SERPINC1: variants seen among roughly 807,000 people sequenced by gnomAD.
SERPINC1 encodes the protein antithrombin-III.
Under a neutral mutation model 43.4 loss-of-function variants are expected in SERPINC1, and 12 were observed. That is an observed-to-expected ratio of 0.28 (90% CI 0.18 to 0.45). SERPINC1 has a LOEUF of 0.45. Among genes scored for constraint, SERPINC1 ranks in the 20% least tolerant of loss-of-function variants. SERPINC1 has a pLI of 1.00. For synonymous variants in SERPINC1, 210 were observed against 218.9 expected, an observed-to-expected ratio of 0.96 and a Z score of 0.36; for missense variants, 423 against 578.8, an observed-to-expected ratio of 0.73 and a Z score of 2.76.
intron 1 of SERPINC1, among the ~76,000 whole-genome samples, chr1:173,916,208 G>T (rs1330728312): frequency 6.6e-6 from 1 of 152,216 alleles, no homozygotes; most frequent in African/African-American, 2.4e-5. Flanking sequence ...ATTTTTTGTA[G>T]ATAAGACAGG....
chr1:173,909,292 C>A (rs1657661576), intron 5 of SERPINC1, among the ~76,000 whole-genome samples: 1 of 152,206 alleles, frequency 6.6e-6, no homozygotes, highest in Admixed American at 6.5e-5. Context: ...CACCTGGTCC[C>A]ATCTCCTCTA....
intron 2 of SERPINC1, 26 bp from the exon 3 acceptor site, chr1:173,912,040 G>C (rs368106455): frequency 1.3e-6 from 2 of 1,544,214 alleles, no homozygotes; most frequent in Non-Finnish European, 1.8e-6. Context: ...AAAAATGGTG[G>C]TGGGTTTGGT....
chr1:173,914,233 G>A (rs1212291713), intron 2 of SERPINC1, among the ~76,000 whole-genome samples: 1 of 152,092 alleles, frequency 6.6e-6, no homozygotes, highest in Admixed American at 6.6e-5. Flanking sequence ...ATAAATAAAT[G>A]ATCAAATTAA....
intron 2 of SERPINC1, among the ~76,000 whole-genome samples, chr1:173,913,269 T>C (rs1657846794): frequency 1.3e-5 from 2 of 152,162 alleles, no homozygotes; most frequent in South Asian, 2.1e-4. Context: ...AGTGTTTCCA[T>C]CCATGACTTG....
In SERPINC1 at chr1:173,910,883, T is replaced by C. The variant is rs780062808; in HGVS notation, c.633A>G (p.Ala211=). The change falls in exon 4 of 7, where the codon GCA becomes GCG. Residue 211 remains alanine (A), a synonymous_variant. Transcript: ENST00000367698. ...KLQPLDFKEN[A]EQSRAAINKW... Reference sequence around the variant, plus strand: ...TGTTGATGGCCGCTCTGGATTGCTCTGCATTTTCCTGAGGAGAACAGAAAA... The same window carrying C: ...TGTTGATGGCCGCTCTGGATTGCTCCGCATTTTCCTGAGGAGAACAGAAAA... 8 of 1,614,196 alleles carry C rather than the reference T, an allele frequency of 5.0e-6. No homozygotes were observed. The East Asian group carries it at 1.6e-4, about 31-fold the overall frequency.
intron 6 of SERPINC1, 25 bp downstream of exon 6, chr1:173,907,425 A>G: frequency 6.4e-7 from 1 of 1,569,868 alleles, no homozygotes; most frequent in East Asian, 2.2e-5. Flanking sequence ...TCTGTACCCT[A>G]AGAGAGTGGG....
intron 2 of SERPINC1, among the ~76,000 whole-genome samples, chr1:173,913,187 T>G (rs1657844604): frequency 1.3e-5 from 2 of 152,194 alleles, no homozygotes; most frequent in Non-Finnish European, 2.9e-5. Context: ...ATTGATGAAC[T>G]CTGCTTCCAA....
At chr1:173,909,202 G>A (rs1657658746) in intron 5 of SERPINC1, among the ~76,000 whole-genome samples, 1 of 152,042 alleles carries the variant, frequency 6.6e-6, no homozygotes, top group East Asian at 1.9e-4. Context: ...AGTGAGGCCT[G>A]TGTAATGGGA....
At chr1:173,904,901 G>C (rs889151618) in intron 6 of SERPINC1, among the ~76,000 whole-genome samples, 1 of 152,128 alleles carries the variant, frequency 6.6e-6, no homozygotes, top group African/African-American at 2.4e-5. Context: ...ATCAGATTCT[G>C]GTTTTTAATG....
intron 1 of SERPINC1, 94 bp from the exon 2 acceptor site, chr1:173,915,013 C>G: frequency 1.9e-6 from 3 of 1,548,894 alleles, no homozygotes; most frequent in Non-Finnish European, 2.6e-6. Flanking sequence ...AGGATTCCAG[C>G]CCACCTGGTG....
chr1:173,917,251 G>A lies in SERPINC1; in HGVS notation c.9C>T (p.Ser3=). 6.2e-7 allele frequency: 1 copy of A among 1,613,972 alleles called. No homozygotes were observed. Among genetic ancestry groups the A allele is most frequent in the Non-Finnish European group, 8.5e-7 (1 of 1,179,938 alleles). ...CAGAGGTTACAGTTCCTATCACATTGGAATACATGGCCGCTAATCTTCCAC... is the reference window on the plus strand; with the variant it reads ...CAGAGGTTACAGTTCCTATCACATTAGAATACATGGCCGCTAATCTTCCAC... MY[S]NVIGTVTSGK... is the part of the protein sequence containing the mutation. Residue 3 remains serine, a synonymous_variant, in exon 1 of 7, where the codon TCC becomes TCT. Coordinates refer to ENST00000367698, the MANE Select transcript of SERPINC1 (RefSeq NM_000488.4).
At chr1:173,908,650 T>G (rs1326427197) in intron 5 of SERPINC1, among the ~76,000 whole-genome samples, 1 of 152,100 alleles carries the variant, frequency 6.6e-6, no homozygotes, top group Non-Finnish European at 1.5e-5. Flanking sequence ...AGCGTTGACC[T>G]CCCGGACTCA....
intron 6 of SERPINC1, among the ~76,000 whole-genome samples, chr1:173,906,515 C>T (rs1283095264): frequency 6.6e-6 from 1 of 152,204 alleles, no homozygotes; most frequent in African/African-American, 2.4e-5. Flanking sequence ...CTTTAAGACA[C>T]TGATGCACAC....
In SERPINC1 at chr1:173,911,790, G is replaced by A. The variant is rs755045400; in HGVS notation, c.624+9C>T. On this transcript the variant is annotated intron_variant, in intron 3 of 6. Coordinates refer to ENST00000367698, the MANE Select transcript of SERPINC1 (RefSeq NM_000488.4). ...AACTCGGAGGTCAGGGGTAACATCT[G>A]CAACTCACCTTGAAGTCCAGGGGCT... 3.7e-6 allele frequency: 6 copies of A among 1,609,064 alleles called. No individual in the cohort carries two copies. Among genetic ancestry groups the A allele is most frequent in the Admixed American group, 1.7e-5 (1 of 60,002 alleles).
intron 6 of SERPINC1, among the ~76,000 whole-genome samples, chr1:173,905,582 G>A (rs902438848): frequency 6.6e-5 from 10 of 151,980 alleles, no homozygotes; most frequent in South Asian, 2.1e-4. Context: ...TTAGTCGGGC[G>A]TGGTGGCGGG....
chr1:173,904,045 T>C lies in SERPINC1; in HGVS notation c.1239A>G (p.Glu413=), dbSNP rs1462427026. ...AFLEVNEEGS[E]AAASTAVVIA... Reference sequence around the variant, plus strand: ...TCACAACAGCGGTACTTGCAGCTGCTTCACTGCCTTCTTCATTTACCTGCA... The same window carrying C: ...TCACAACAGCGGTACTTGCAGCTGCCTCACTGCCTTCTTCATTTACCTGCA... Residue 413 remains glutamate (E), a synonymous_variant, in exon 7 of 7, where the codon GAA becomes GAG. Transcript: ENST00000367698. 1 of 1,614,040 alleles carries C rather than the reference T, an allele frequency of 6.2e-7. No homozygotes were observed. The highest frequency in any genetic ancestry group is 8.5e-7 in the Non-Finnish European group (1 of 1,179,992).
In SERPINC1 at chr1:173,909,549, A is replaced by C; in HGVS notation, c.1153+3T>G. On this transcript the variant is annotated splice_donor_region_variant and intron_variant, in intron 5 of 6. Coordinates refer to ENST00000367698, the MANE Select transcript of SERPINC1 (RefSeq NM_000488.4). ...AAGGGAGGAAACTCCTTCCTAGACA[A>C]ACCTGGGAGTTTGGACTTTTCAGGG... The C allele has an allele frequency of 2.5e-6, 4 of 1,613,658 alleles. No homozygotes were observed. The highest frequency in any genetic ancestry group is 3.4e-6 in the Non-Finnish European group (4 of 1,180,026).
chr1:173,908,516 C>T (rs1182306744), intron 5 of SERPINC1, among the ~76,000 whole-genome samples: 1 of 141,014 alleles, frequency 7.1e-6, no homozygotes, highest in African/African-American at 2.7e-5. Context: ...AAAAAAAGGT[C>T]AATAAAGATA....
chr1:173,908,149 A>G (rs1657608359), intron 5 of SERPINC1, among the ~76,000 whole-genome samples: 1 of 152,014 alleles, frequency 6.6e-6, no homozygotes, highest in African/African-American at 2.4e-5. Flanking sequence ...ATCCAGAAGG[A>G]ACATCTTTCT....
Sources: allele counts gnomAD v4.1 joint callset (sites outside exome capture counted in the v4.1 genomes callset), GRCh38; gene constraint gnomAD v4.1.1; transcripts MANE v1.5; gene names NCBI Gene and HGNC (gene_info 2026-07-23, HGNC 2026-07-21).